The following GLIS3 variants were observed in gnomAD, a reference collection of about 807,000 sequenced individuals.
GLIS3 encodes zinc finger protein GLIS3.
In GLIS3, 53 loss-of-function variants were observed where a neutral mutation model predicts 78.6. The observed-to-expected ratio is 0.67, with a 90% CI of 0.54 to 0.85. GLIS3 has a LOEUF of 0.85. GLIS3 is among the 40% of genes least tolerant of loss of function. The probability of loss-of-function intolerance (pLI) is 0.00; values close to 1 mark genes in which losing one functional copy is unlikely to be tolerated. For synonymous variants in GLIS3, 684 were observed against 509.9 expected (o/e 1.34, Z -4.60); for missense variants, 1,703 against 1,231.1 (o/e 1.38, Z -5.74).
chr9:3,910,181 C>T, intron 6 of GLIS3, among the ~76,000 whole-genome samples: 1 of 152,118 alleles, frequency 6.6e-6, no homozygotes, highest in East Asian at 1.9e-4. Flanking sequence ...TCTCCTAGAC[C>T]ACACAGAATA....
intron 9 of GLIS3, among the ~76,000 whole-genome samples, chr9:3,831,733 A>C (rs916202277): frequency 6.6e-6 from 1 of 152,236 alleles, no homozygotes; most frequent in African/African-American, 2.4e-5. Context: ...CAACCATAAG[A>C]GAATGTCTAA....
the GLIS3 span, among the ~76,000 whole-genome samples, chr9:4,354,822 G>A: frequency 1.3e-5 from 2 of 152,104 alleles, no homozygotes; most frequent in Non-Finnish European, 2.9e-5. Flanking sequence ...TCACCTTTAA[G>A]AGTTCCCTGA....
chr9:4,487,782 G>A, the GLIS3 span, among the ~76,000 whole-genome samples: 2 of 152,042 alleles, frequency 1.3e-5, no homozygotes, highest in Admixed American at 6.6e-5. Context: ...CGAACTCCCG[G>A]GCTCAAACTA....
intron 4 of GLIS3, among the ~76,000 whole-genome samples, chr9:4,040,006 G>A (rs1299959732): frequency 6.6e-6 from 1 of 152,186 alleles, no homozygotes; most frequent in East Asian, 1.9e-4. Context: ...AGAGCCAAGA[G>A]AAGTCCTACT....
chr9:4,408,445 A>G, the GLIS3 span, among the ~76,000 whole-genome samples: 3 of 151,470 alleles, frequency 2.0e-5, no homozygotes, highest in African/African-American at 4.8e-5. Context: ...AAAAAAAAAA[A>G]TAGGCCGGGC....
intron 8 of GLIS3, among the ~76,000 whole-genome samples, chr9:3,877,118 T>C (rs1047332165): frequency 4.6e-5 from 7 of 152,198 alleles, no homozygotes; most frequent in Admixed American, 1.3e-4. Flanking sequence ...GAGGTTCCGA[T>C]TGATCATTCC....
At chr9:4,191,350 G>C (rs554736253) in intron 2 of GLIS3, among the ~76,000 whole-genome samples, 1 of 152,130 alleles carries the variant, frequency 6.6e-6, no homozygotes, top group Non-Finnish European at 1.5e-5. Context: ...TAGAGTTGAT[G>C]AAATAAGATT....
At chr9:4,203,892 T>G (rs1043901717) in intron 2 of GLIS3, among the ~76,000 whole-genome samples, 1 of 152,184 alleles carries the variant, frequency 6.6e-6, no homozygotes, top group African/African-American at 2.4e-5. Flanking sequence ...CATTTATAAG[T>G]AGGAGCCAAA....
At chr9:4,169,943 C>G (rs1179973473) in intron 2 of GLIS3, among the ~76,000 whole-genome samples, 1 of 152,088 alleles carries the variant, frequency 6.6e-6, no homozygotes, top group Non-Finnish European at 1.5e-5. Context: ...GCTTCAATTT[C>G]TCTTAGACAC....
the GLIS3 span, among the ~76,000 whole-genome samples, chr9:4,456,069 C>G: frequency 6.6e-6 from 1 of 151,976 alleles, no homozygotes; most frequent in Non-Finnish European, 1.5e-5. Flanking sequence ...GATCACGCCA[C>G]TGCACTCCAG....
chr9:4,012,764 T>C (rs1031094003), intron 4 of GLIS3, among the ~76,000 whole-genome samples: 2 of 136,546 alleles, frequency 1.5e-5, no homozygotes, highest in Admixed American at 7.8e-5. Flanking sequence ...TTTTTCTTTT[T>C]CTTTTTTTTT....
chr9:4,470,791 T>C, the GLIS3 span, among the ~76,000 whole-genome samples: 1 of 150,332 alleles, frequency 6.7e-6, no homozygotes, highest in African/African-American at 2.5e-5. Context: ...GGGTATTCAA[T>C]TAGGAAAAGA....
chr9:4,320,162 A>T (rs546731419), intron 2 of GLIS3, among the ~76,000 whole-genome samples: 3 of 152,122 alleles, frequency 2.0e-5, no homozygotes, highest in Non-Finnish European at 4.4e-5. Context: ...CCCACTTTTG[A>T]CATGTCATGT....
the GLIS3 span, among the ~76,000 whole-genome samples, chr9:4,407,699 T>C: frequency 6.6e-6 from 1 of 152,074 alleles, no homozygotes; most frequent in Non-Finnish European, 1.5e-5. Flanking sequence ...ATCCAGAACA[T>C]TGGTCTGGGC....
chr9:3,850,811 G>A (rs796154096), intron 9 of GLIS3, among the ~76,000 whole-genome samples: 37 of 152,178 alleles, frequency 2.4e-4, no homozygotes, highest in African/African-American at 8.9e-4. Context: ...CACACGCCAC[G>A]GTGTCATTTC....
the GLIS3 span, among the ~76,000 whole-genome samples, chr9:4,440,374 G>A: frequency 6.6e-6 from 1 of 152,022 alleles, no homozygotes; most frequent in Non-Finnish European, 1.5e-5. Context: ...TTTATATAAG[G>A]GTCTAGTTCC....
At chr9:4,341,433 C>G (rs764516007) in intron 2 of GLIS3, among the ~76,000 whole-genome samples, 2 of 152,220 alleles carry the variant, frequency 1.3e-5, no homozygotes, top group Non-Finnish European at 2.9e-5. Context: ...GAAAAACTCA[C>G]CATTGTGAAG....
chr9:4,054,383 C>T (rs1563991347), intron 4 of GLIS3: 2 of 985,316 alleles, frequency 2.0e-6, no homozygotes, highest in South Asian at 4.7e-5. Context: ...AACGTATTTT[C>T]CCAAGCTCAG....
chr9:3,951,841 A>AACACACACACACACAC lies in GLIS3; in HGVS notation c.1711-14668_1711-14653dup, dbSNP rs3061609. Among the ~76,000 whole-genome samples the AACACACACACACACAC allele has an allele frequency of 2.3e-3, 304 of 130,598 alleles. 6 individuals are homozygous for AACACACACACACACAC. Among genetic ancestry groups the AACACACACACACACAC allele is most frequent in the East Asian group, 9.2e-3 (39 of 4,236 alleles). The allele number at this position is 130,598 out of a possible 152,430, so 85.7% of individuals were successfully genotyped here. A position where few individuals can be genotyped will look rare whatever the true frequency, so the allele number is the denominator to read the frequency against. ...AGAGAGAAAGAGAGGAATAAGCATG[A>AACACACACACACACAC]ACACACACACACACACACACACACA... On this transcript the variant is annotated intron_variant, in intron 4 of 10. Transcript: ENST00000381971.
Sources: gnomAD v4.1 joint callset for allele counts (sites outside exome capture counted in the v4.1 genomes callset) on GRCh38, gnomAD v4.1.1 for gene constraint, MANE v1.5 for transcripts, NCBI Gene and HGNC (gene_info 2026-07-23, HGNC 2026-07-21) for gene names.